The following TRIO variants were observed in gnomAD, a reference collection of about 807,000 sequenced individuals.
TRIO encodes trio Rho guanine nucleotide exchange factor.
A neutral mutation model predicts 351.9 loss-of-function variants in TRIO; 58 were observed. The observed-to-expected ratio is 0.16, with a 90% CI of 0.13 to 0.21. The LOEUF (loss-of-function observed/expected upper bound fraction) is 0.21. TRIO is among the 10% of genes least tolerant of loss of function. The pLI, the probability that TRIO is intolerant of heterozygous loss-of-function variation, is 1.00. For missense variants in TRIO, 3,201 were observed against 4,027.8 expected, an observed-to-expected ratio of 0.79 and a Z score of 5.56; for synonymous variants, 1,758 against 1,595.7, an observed-to-expected ratio of 1.10 and a Z score of -2.42.
chr5:14,182,014 AT>A (rs1477897756), intron 1 of TRIO, among the ~76,000 whole-genome samples: 2 of 152,142 alleles, frequency 1.3e-5, no homozygotes, highest in Non-Finnish European at 2.9e-5. Context: ...AGAAATTAAT[AT>A]TTTGAATATG....
At chr5:14,202,497 T>G (rs894262995) in intron 1 of TRIO, among the ~76,000 whole-genome samples, 1 of 151,684 alleles carries the variant, frequency 6.6e-6, no homozygotes, top group Non-Finnish European at 1.5e-5. Context: ...TACCAGTATC[T>G]CCATTTGATA....
At chr5:14,335,808 TACA>T (rs1285523661) in intron 10 of TRIO, among the ~76,000 whole-genome samples, 4 of 152,024 alleles carry the variant, frequency 2.6e-5, no homozygotes, top group African/African-American at 7.2e-5. Context: ...CTCCTAAAAA[TACA>T]ACATTTAGCT....
intron 1 of TRIO, among the ~76,000 whole-genome samples, chr5:14,187,220 C>T (rs1311204159): frequency 6.6e-6 from 1 of 152,128 alleles, no homozygotes; most frequent in African/African-American, 2.4e-5. Context: ...ACTTTTTCCC[C>T]ACTCCACTGT....
In TRIO at chr5:14,405,373, G is replaced by A. The variant is rs568613862; in HGVS notation, c.4717-475G>A. ...CAGCATGCGAGAAGCCCTCGGCTAGGCACAGGGGGCTGGAGGTGGTGGCAG... is the reference window on the plus strand; with the variant it reads ...CAGCATGCGAGAAGCCCTCGGCTAGACACAGGGGGCTGGAGGTGGTGGCAG... On this transcript the variant is annotated intron_variant, in intron 31 of 56. Coordinates refer to ENST00000344204, the MANE Select transcript of TRIO (RefSeq NM_007118.4). Among the ~76,000 whole-genome samples the A allele has an allele frequency of 2.0e-5, 3 of 152,338 alleles. No homozygotes were observed. In the East Asian group the frequency reaches 5.8e-4, roughly 29 times the overall value.
intron 38 of TRIO, 71 bp downstream of exon 38, chr5:14,471,537 G>A: frequency 6.3e-7 from 1 of 1,586,868 alleles, no homozygotes; most frequent in South Asian, 1.1e-5. Flanking sequence ...TCAAAAATGT[G>A]ACTGAGATTC....
At chr5:14,169,606 AC>A (rs1401537867) in intron 1 of TRIO, among the ~76,000 whole-genome samples, 6 of 152,238 alleles carry the variant, frequency 3.9e-5, no homozygotes, top group Admixed American at 3.3e-4. Flanking sequence ...CATCGAACAC[AC>A]ACGTGTGTGT....
chr5:14,364,634 C>G lies in TRIO; in HGVS notation c.2588-16C>G. The G allele has an allele frequency of 6.2e-7, 1 of 1,603,108 alleles. No homozygotes were observed. Among genetic ancestry groups the G allele is most frequent in the South Asian group, 1.1e-5 (1 of 89,660 alleles). On this transcript the variant is annotated splice_polypyrimidine_tract_variant and intron_variant, in intron 14 of 56. Transcript: ENST00000344204. ...AGTGCTAGCTGAATTCTAGGGTCTC[C>G]CTTTAATGTCCACAGGTGTGGAGCT...
intron 34 of TRIO, among the ~76,000 whole-genome samples, chr5:14,437,791 G>A (rs573667182): frequency 6.6e-6 from 1 of 151,676 alleles, no homozygotes; most frequent in African/African-American, 2.4e-5. Flanking sequence ...ATCAGCATAG[G>A]AATTGGGGAA....
At chr5:14,207,246 A>C (rs1791511679) in intron 1 of TRIO, among the ~76,000 whole-genome samples, 1 of 147,452 alleles carries the variant, frequency 6.8e-6, no homozygotes, top group African/African-American at 2.5e-5. Flanking sequence ...CCTGGGCAAC[A>C]TAGCAAGATG....
chr5:14,258,359 T>A (rs981741453), intron 1 of TRIO, among the ~76,000 whole-genome samples: 2 of 152,186 alleles, frequency 1.3e-5, no homozygotes, highest in African/African-American at 4.8e-5. Context: ...ATGCTGTAGG[T>A]GCAGAGAGTT....
intron 1 of TRIO, among the ~76,000 whole-genome samples, chr5:14,217,603 T>G (rs1376554220): frequency 6.6e-6 from 1 of 152,202 alleles, no homozygotes; most frequent in Non-Finnish European, 1.5e-5. Flanking sequence ...ATAGGAAGAT[T>G]GTCTTGATCA....
intron 11 of TRIO, among the ~76,000 whole-genome samples, chr5:14,344,547 C>T (rs1247531302): frequency 6.6e-6 from 1 of 152,166 alleles, no homozygotes; most frequent in East Asian, 1.9e-4. Flanking sequence ...AATTAAATTA[C>T]ACGTGGAAAG....
chr5:14,144,085 C>G (rs552309654), intron 1 of TRIO, among the ~76,000 whole-genome samples: 1 of 152,130 alleles, frequency 6.6e-6, no homozygotes, highest in Non-Finnish European at 1.5e-5. Context: ...CCCGCGCAGC[C>G]GGGCGCGCGG....
At chr5:14,413,379 A>G (rs1291182271) in intron 33 of TRIO, among the ~76,000 whole-genome samples, 1 of 152,184 alleles carries the variant, frequency 6.6e-6, no homozygotes, top group East Asian at 1.9e-4. Context: ...CCAGTGACCT[A>G]ATATTCAAAG....
chr5:14,347,555 C>T (rs527918675), intron 11 of TRIO, among the ~76,000 whole-genome samples: 11 of 152,318 alleles, frequency 7.2e-5, no homozygotes, highest in South Asian at 2.1e-4. Flanking sequence ...TTCAGGCATC[C>T]GGAAAACTAC....
At chr5:14,445,410 A>G (rs534365041) in intron 34 of TRIO, among the ~76,000 whole-genome samples, 26 of 152,340 alleles carry the variant, frequency 1.7e-4, no homozygotes, top group South Asian at 6.2e-4. Context: ...AGAAGGGAAC[A>G]TAGCACCCTT....
chr5:14,284,145 T>G (rs563854410), intron 3 of TRIO, among the ~76,000 whole-genome samples: 22 of 152,238 alleles, frequency 1.4e-4, no homozygotes, highest in Non-Finnish European at 2.8e-4. Flanking sequence ...ACGAAACAAG[T>G]AGAGTTTCTC....
rs572724173 is a variant in TRIO at position 14,229,045 on chromosome 5, C to CA, written c.158-41777dup. Among the ~76,000 whole-genome samples, 825 of 152,242 alleles carry CA rather than the reference C, an allele frequency of 5.4e-3. 8 individuals are homozygous for CA. The highest frequency in any genetic ancestry group is 0.019 in the African/African-American group (775 of 41,532). On this transcript the variant is annotated intron_variant, in intron 1 of 56. Coordinates refer to ENST00000344204, the MANE Select transcript of TRIO (RefSeq NM_007118.4). ...GAAGCTCAGACTATCCTGCTTATCT[C>CA]AAACATCCCTCATAGTATTTACATT...
At chr5:14,281,596 T>C (rs1736012577) in intron 3 of TRIO, among the ~76,000 whole-genome samples, 2 of 152,304 alleles carry the variant, frequency 1.3e-5, no homozygotes, top group South Asian at 4.2e-4. Context: ...CATGCTGATA[T>C]AATCTAAGGA....
Sources: gnomAD v4.1 joint callset for allele counts (sites outside exome capture counted in the v4.1 genomes callset) on GRCh38, gnomAD v4.1.1 for gene constraint, MANE v1.5 for transcripts, NCBI Gene and HGNC (gene_info 2026-07-23, HGNC 2026-07-21) for gene names.